Variants in C6orf141 observed in about 807,000 individuals in gnomAD.
The protein encoded by C6orf141 is chromosome 6 open reading frame 141.
For missense variants in C6orf141, 361 were observed against 335.8 expected, an observed-to-expected ratio of 1.07 and a Z score of -0.59; for synonymous variants, 164 against 140.5, an observed-to-expected ratio of 1.17 and a Z score of -1.18.
At chr6:49,557,298 G>A (rs1199744075) in intron 4 of C6orf141, among the ~76,000 whole-genome samples, 2 of 152,098 alleles carry the variant, frequency 1.3e-5, no homozygotes, top group African/African-American at 4.8e-5. Context: ...AGAGTATTTT[G>A]AGGAGACTGC....
intron 4 of C6orf141, chr6:49,560,623 T>A: frequency 6.6e-6 from 1 of 152,444 alleles, no homozygotes; most frequent in Non-Finnish European, 1.5e-5. Context: ...TGCCTCAGCC[T>A]CCTGAGTAGC....
chr6:49,560,016 T>C (rs1328790009), intron 4 of C6orf141, among the ~76,000 whole-genome samples: 2 of 152,160 alleles, frequency 1.3e-5, no homozygotes, highest in Non-Finnish European at 2.9e-5. Context: ...AATAACCTTA[T>C]ATTAGAAATT....
Position 49,551,140 on chromosome 6 carries a change from T to G in C6orf141, c.348T>G (p.Leu116=). ...AREEVAGAED[L]PHAGGEDHGE... is the part of the protein sequence containing the mutation. ...AAGAGGTGGCCGGTGCAGAGGACCT[T>G]CCTCATGCGGGTGGAGAGGACCACG... The change falls in exon 1 of 1, where the codon CTT becomes CTG. Residue 116 remains leucine, a synonymous_variant. Coordinates refer to ENST00000529246, the MANE Select transcript of C6orf141 (RefSeq NM_001145652.2). 6.4e-7 allele frequency: 1 copy of G among 1,551,618 alleles called. No homozygotes were observed. Among genetic ancestry groups the G allele is most frequent in the South Asian group, 1.2e-5 (1 of 84,054 alleles).
chr6:49,551,002 C>T lies in C6orf141; in HGVS notation c.210C>T (p.Ala70=). Residue 70 remains alanine, a synonymous_variant, in exon 1 of 1, where the codon GCC becomes GCT. Transcript: ENST00000529246. ...GGHEDRTADR[A]LGPRAGEELD... Reference sequence around the variant, plus strand: ...ACGAGGACAGAACGGCAGATCGGGCCCTCGGACCTCGGGCCGGGGAGGAAT... The same window carrying T: ...ACGAGGACAGAACGGCAGATCGGGCTCTCGGACCTCGGGCCGGGGAGGAAT... The T allele has an allele frequency of 4.5e-6, 7 of 1,551,126 alleles. No individual in the cohort carries two copies. The South Asian group carries it at 6.0e-5, about 13-fold the overall frequency.
chr6:49,559,581 T>A (rs1418563766), intron 4 of C6orf141, among the ~76,000 whole-genome samples: 1 of 152,070 alleles, frequency 6.6e-6, no homozygotes, highest in Non-Finnish European at 1.5e-5. Flanking sequence ...ACTGCGTGAC[T>A]TGTTCCTGGC....
In C6orf141 at chr6:49,551,228, G is replaced by A. The variant is rs748282180; in HGVS notation, c.436G>A (p.Ala146Thr). The change falls in exon 1 of 1, where the codon GCC (alanine) becomes ACC (threonine). Residue 146 changes from alanine (A) to threonine (T), a missense_variant. Transcript: ENST00000529246. ...RQKRISGRRV[A>T]PPRDAADPPK... ...AAAGCGAATTTCTGGCAGGCGTGTA[G>A]CCCCGCCGCGGGACGCAGCAGACCC... is the stretch of plus-strand genomic sequence containing the variant. The A allele has an allele frequency of 2.6e-6, 4 of 1,551,586 alleles. No homozygotes were observed. The South Asian group carries it at 3.6e-5, about 14-fold the overall frequency.
downstream of C6orf141, among the ~76,000 whole-genome samples, chr6:49,556,517 G>C (rs73431999): frequency 0.041 from 6,195 of 152,232 alleles, 211 homozygotes; most frequent in African/African-American, 0.091. Flanking sequence ...TGGCTATTTT[G>C]TTGTCTAGGA....
chr6:49,551,070 T>C lies in C6orf141; in HGVS notation c.278T>C (p.Leu93Pro). The C allele has an allele frequency of 6.4e-7, 1 of 1,551,586 alleles. No homozygotes were observed. Among genetic ancestry groups the C allele is most frequent in the Non-Finnish European group, 8.7e-7 (1 of 1,146,958 alleles). The change falls in exon 1 of 1, where the codon CTG becomes CCG. Residue 93 changes from leucine (L) to proline (P), a missense_variant. By Grantham distance (98) the Leu-to-Pro change is moderately conservative. Transcript: ENST00000529246. ...GTCAGAGAGAAAGTGCTCTTTCTCC[T>C]GCACCCAGAGAGGTGGTTAGGGACT... is the stretch of plus-strand genomic sequence containing the variant. ...SWVREKVLFLLHPERWLGTRG... is the reference protein window; with the variant it reads ...SWVREKVLFLPHPERWLGTRG...
intron 4 of C6orf141, among the ~76,000 whole-genome samples, chr6:49,558,059 G>GTTTTTTTGTTTTTGTTTTTTTTTGTTT (rs1772343226): frequency 1.0e-5 from 1 of 97,800 alleles, no homozygotes; most frequent in African/African-American, 4.0e-5. Context: ...ACTCAAATAT[G>GTTTTTTTGTTTTTGTTTTTTTTTGTTT]TTTTTTTTTT....
downstream of C6orf141, among the ~76,000 whole-genome samples, chr6:49,553,879 A>T (rs1771205111): frequency 6.6e-6 from 1 of 152,084 alleles, no homozygotes; most frequent in Non-Finnish European, 1.5e-5. Flanking sequence ...TATTATTAGC[A>T]CGGTTATTGT....
Position 49,550,775 on chromosome 6 carries a change from C to G in C6orf141, c.-18C>G. 1.4e-6 allele frequency: 2 copies of G among 1,444,826 alleles called. No homozygotes were observed. Among genetic ancestry groups the G allele is most frequent in the Non-Finnish European group, 1.8e-6 (2 of 1,098,170 alleles). 89.5% of individuals were successfully genotyped at this position (1,444,826 alleles called of 1,614,324 possible). ...CTCAGCAGGCGCTTGCTGCTTGAAC[C>G]GGTCAAAGAAGGAACGAATGAATGA... On this transcript the variant is annotated 5_prime_UTR_variant, in exon 1 of 1. Coordinates refer to ENST00000529246, the MANE Select transcript of C6orf141 (RefSeq NM_001145652.2).
downstream of C6orf141, among the ~76,000 whole-genome samples, chr6:49,556,064 A>G (rs1487150053): frequency 1.3e-5 from 2 of 152,220 alleles, no homozygotes; most frequent in African/African-American, 4.8e-5. Context: ...GCTACTCAAG[A>G]TGGGCGTTCT....
chr6:49,558,086 T>A (rs2127307917), intron 4 of C6orf141, among the ~76,000 whole-genome samples: 1 of 132,298 alleles, frequency 7.6e-6, no homozygotes, highest in South Asian at 2.4e-4. Flanking sequence ...TTTTTTTTAG[T>A]AGAGACGGGT....
chr6:49,558,073 T>TTG (rs1276917970), intron 4 of C6orf141, among the ~76,000 whole-genome samples: 2 of 139,390 alleles, frequency 1.4e-5, no homozygotes, highest in Non-Finnish European at 1.5e-5. Context: ...TTTTTTTTTT[T>TTG]TTTTTTTTTT....
chr6:49,551,180 T>TA (rs760716881), exon 1 of C6orf141: 1 of 1,551,526 alleles, frequency 6.4e-7, no homozygotes, highest in South Asian at 1.2e-5. Flanking sequence ...GGAGCCCAAC[T>TA]ACCCTTCTGT....
chr6:49,555,622 C>A (rs1196423129), downstream of C6orf141, among the ~76,000 whole-genome samples: 2 of 151,062 alleles, frequency 1.3e-5, no homozygotes, highest in African/African-American at 2.4e-5. Context: ...CATTCTCCTG[C>A]CTCAGCCTCC....
At chr6:49,559,205 T>C (rs1772756763) in intron 4 of C6orf141, among the ~76,000 whole-genome samples, 1 of 75,536 alleles carries the variant, frequency 1.3e-5, no homozygotes, top group Non-Finnish European at 2.5e-5. Context: ...TATATATATA[T>C]ATATATATAT....
chr6:49,553,848 C>T (rs1443020087), downstream of C6orf141, among the ~76,000 whole-genome samples: 1 of 151,916 alleles, frequency 6.6e-6, no homozygotes, highest in African/African-American at 2.4e-5. Flanking sequence ...ACAATAAATC[C>T]TCAAAGTTAG....
chr6:49,556,328 A>G (rs553841127), downstream of C6orf141, among the ~76,000 whole-genome samples: 10 of 152,344 alleles, frequency 6.6e-5, no homozygotes, highest in African/African-American at 1.9e-4. Context: ...AATAATTCAT[A>G]GAGTTTTGAA....
Sources: gnomAD v4.1 joint callset for allele counts (sites outside exome capture counted in the v4.1 genomes callset) on GRCh38, gnomAD v4.1.1 for gene constraint, MANE v1.5 for transcripts, NCBI Gene and HGNC (gene_info 2026-07-23, HGNC 2026-07-21) for gene names.